The following TSPAN14 variants were observed in gnomAD, a reference collection of about 807,000 sequenced individuals.
The protein encoded by TSPAN14 is tetraspanin 14.
TSPAN14 carries 16 observed loss-of-function variants against 36.6 expected under a neutral mutation model. The observed-to-expected ratio is 0.44, with a 90% CI of 0.30 to 0.66. TSPAN14 has a LOEUF of 0.66. Ranked by LOEUF, TSPAN14 falls within the 30% of genes least tolerant of loss-of-function variation. The pLI, the probability that TSPAN14 is intolerant of heterozygous loss-of-function variation, is 0.12. For synonymous variants in TSPAN14, 139 were observed against 143.8 expected (o/e 0.97, Z 0.24); for missense variants, 231 against 355.1 (o/e 0.65, Z 2.81).
At chr10:80,518,338 C>T (rs988502311) in exon 9 of TSPAN14, 8 of 292,858 alleles carry the variant, frequency 2.7e-5, no homozygotes, top group African/African-American at 1.3e-4. Flanking sequence ...CCCCTCTCCA[C>T]TGGCATCCAG....
chr10:80,463,464 CTTGT>C (rs1846084630), intron 1 of TSPAN14, among the ~76,000 whole-genome samples: 2 of 152,352 alleles, frequency 1.3e-5, no homozygotes, highest in Non-Finnish European at 2.9e-5. Context: ...GTATTCCTCT[CTTGT>C]TTATTACCCC....
chr10:80,516,982 A>G (rs552169526), intron 8 of TSPAN14, among the ~76,000 whole-genome samples: 1 of 152,282 alleles, frequency 6.6e-6, no homozygotes, highest in African/African-American at 2.4e-5. Context: ...CTGCTAGGAG[A>G]AGAACTGGCA....
At chr10:80,508,410 G>T (rs563137507) in intron 4 of TSPAN14, among the ~76,000 whole-genome samples, 5 of 152,232 alleles carry the variant, frequency 3.3e-5, no homozygotes, top group East Asian at 1.9e-4. Context: ...GAACCACCGC[G>T]CCCGGCCGTG....
At chr10:80,464,775 TGAG>T (rs1051172632) in intron 1 of TSPAN14, among the ~76,000 whole-genome samples, 1 of 152,014 alleles carries the variant, frequency 6.6e-6, no homozygotes, top group Non-Finnish European at 1.5e-5. Flanking sequence ...CCTGTGGAGC[TGAG>T]GAGGCGGGAC....
chr10:80,469,963 C>T (rs1345443945), intron 1 of TSPAN14, among the ~76,000 whole-genome samples: 2 of 152,140 alleles, frequency 1.3e-5, no homozygotes, highest in Non-Finnish European at 2.9e-5. Flanking sequence ...AGCCCCAGCA[C>T]TTAGTAGTGT....
At chr10:80,481,494 G>A (rs1847273296) in intron 1 of TSPAN14, among the ~76,000 whole-genome samples, 1 of 152,100 alleles carries the variant, frequency 6.6e-6, no homozygotes, top group Non-Finnish European at 1.5e-5. Flanking sequence ...TCATAATAAG[G>A]TCAACTATGA....
At chr10:80,474,849 TC>T (rs922323439) in intron 1 of TSPAN14, among the ~76,000 whole-genome samples, 11 of 152,118 alleles carry the variant, frequency 7.2e-5, no homozygotes, top group African/African-American at 2.7e-4. Context: ...CCCCTCTTCC[TC>T]CCTCATGACC....
chr10:80,518,637 G>A (rs1458157405), exon 9 of TSPAN14: 2 of 153,152 alleles, frequency 1.3e-5, no homozygotes, highest in African/African-American at 4.8e-5. Context: ...GTGTCCACCA[G>A]CTATTCTCCT....
chr10:80,504,054 C>T (rs561682848), intron 2 of TSPAN14, among the ~76,000 whole-genome samples: 7 of 152,288 alleles, frequency 4.6e-5, no homozygotes, highest in Middle Eastern at 3.4e-3. Context: ...TGGTGCTCCT[C>T]TGGGGCGAGC....
chr10:80,516,715 G>A (rs75490334), intron 8 of TSPAN14, among the ~76,000 whole-genome samples: 218 of 152,316 alleles, frequency 1.4e-3, no homozygotes, highest in African/African-American at 5.1e-3. Flanking sequence ...GAAACCCTTG[G>A]TCACCTGGGG....
intron 1 of TSPAN14, among the ~76,000 whole-genome samples, chr10:80,488,692 T>C (rs191232997): frequency 1.3e-5 from 2 of 152,278 alleles, no homozygotes; most frequent in African/African-American, 4.8e-5. Flanking sequence ...AGTTGGATCA[T>C]GTCCAGACCT....
At chr10:80,520,800 A>T in exon 9 of TSPAN14, 1 of 533,350 alleles carries the variant, frequency 1.9e-6, no homozygotes, top group Non-Finnish European at 3.8e-6. Context: ...CCCAATTGTC[A>T]ACTCTGGCCT....
intron 7 of TSPAN14, among the ~76,000 whole-genome samples, chr10:80,515,029 G>A (rs1840858844): frequency 6.6e-6 from 1 of 152,160 alleles, no homozygotes. Context: ...CCAGGACTGT[G>A]AGAAATAAAT....
intron 1 of TSPAN14, chr10:80,485,548 G>A (rs959001332): frequency 5.1e-6 from 4 of 785,236 alleles, no homozygotes; most frequent in Non-Finnish European, 6.2e-6. Context: ...CTTACACTGT[G>A]TAGGAGGATG....
At chr10:80,477,159 A>G (rs1846964656) in intron 1 of TSPAN14, among the ~76,000 whole-genome samples, 1 of 152,148 alleles carries the variant, frequency 6.6e-6, no homozygotes, top group African/African-American at 2.4e-5. Flanking sequence ...TCTGCCCTCA[A>G]CTGGGAGGAA....
chr10:80,504,230 A>G (rs894438139), intron 2 of TSPAN14, among the ~76,000 whole-genome samples: 1 of 152,210 alleles, frequency 6.6e-6, no homozygotes, highest in Non-Finnish European at 1.5e-5. Flanking sequence ...CCTGGAGTCT[A>G]TCTCCAGGGC....
intron 2 of TSPAN14, among the ~76,000 whole-genome samples, 159 bp from the exon 3 acceptor site, chr10:80,504,569 T>A (rs767034936): frequency 4.6e-5 from 7 of 152,312 alleles, no homozygotes; most frequent in Middle Eastern, 3.4e-3. Context: ...TTCAGGAAGG[T>A]AGGTTCAGGT....
At chr10:80,487,583 G>T (rs1003526206) in intron 1 of TSPAN14, among the ~76,000 whole-genome samples, 3 of 152,148 alleles carry the variant, frequency 2.0e-5, no homozygotes, top group African/African-American at 7.2e-5. Flanking sequence ...TCTTCCTTGA[G>T]AGCTGCTTTT....
chr10:80,517,157 G>C (rs1840981835), intron 8 of TSPAN14, among the ~76,000 whole-genome samples: 1 of 152,194 alleles, frequency 6.6e-6, no homozygotes, highest in Non-Finnish European at 1.5e-5. Flanking sequence ...GAGGGTGACT[G>C]AGGTAGACCC....
Sources: allele counts gnomAD v4.1 joint callset (sites outside exome capture counted in the v4.1 genomes callset), GRCh38; gene constraint gnomAD v4.1.1; transcripts MANE v1.5; gene names NCBI Gene and HGNC (gene_info 2026-07-23, HGNC 2026-07-21).